The following HRH1 variants were observed in gnomAD, a reference collection of about 807,000 sequenced individuals.
HRH1 encodes histamine H1 receptor.
HRH1 carries 6 observed loss-of-function variants against 10.3 expected under a neutral mutation model. The observed-to-expected ratio is 0.58, with a 90% CI of 0.32 to 1.15. The LOEUF is 1.15. Among genes scored for constraint, HRH1 ranks in the 50% most tolerant of loss-of-function variants. HRH1 has a pLI of 0.05. For missense variants in HRH1, 514 were observed against 615.3 expected, an observed-to-expected ratio of 0.84 and a Z score of 1.74; for synonymous variants, 242 against 236.7, an observed-to-expected ratio of 1.02 and a Z score of -0.21.
intron 1 of HRH1, among the ~76,000 whole-genome samples, chr3:11,211,116 C>A (rs1938313279): frequency 6.6e-6 from 1 of 152,160 alleles, no homozygotes; most frequent in Non-Finnish European, 1.5e-5. Context: ...GTGGTGGATG[C>A]TCTGAAGGAA....
At chr3:11,178,108 T>G (rs192887294) in intron 1 of HRH1, among the ~76,000 whole-genome samples, 44 of 152,300 alleles carry the variant, frequency 2.9e-4, no homozygotes, top group Middle Eastern at 3.4e-3. Context: ...GAGTGCTGCT[T>G]GCCTGACCCT....
At chr3:11,154,487 C>A, upstream of HRH1, 1 of 358 alleles carries the variant, frequency 2.8e-3, no homozygotes, top group South Asian at 3.4e-3. The surrounding 1 kb of genome is among the most constrained non-coding windows in gnomAD (Gnocchi z 4.4). Flanking sequence ...CGCCGCCGCC[C>A]CCGCGACACC....
At chr3:11,154,087 G>A (rs1936716464), upstream of HRH1, among the ~76,000 whole-genome samples, 1 of 152,120 alleles carries the variant, frequency 6.6e-6, no homozygotes, top group South Asian at 2.1e-4. The surrounding 1 kb of genome is among the most constrained non-coding windows in gnomAD (Gnocchi z 4.4). Context: ...ATTTCCATCT[G>A]TGCCTCTTTG....
intron 1 of HRH1, among the ~76,000 whole-genome samples, chr3:11,169,011 A>G (rs949906833): frequency 6.6e-6 from 1 of 152,212 alleles, no homozygotes; most frequent in Non-Finnish European, 1.5e-5. Flanking sequence ...GGCCTGCAGC[A>G]AGGAGCTGAG....
At chr3:11,219,399 G>C (rs4684765) in intron 1 of HRH1, among the ~76,000 whole-genome samples, 93,321 of 151,920 alleles carry the variant, frequency 0.61, 28,834 homozygotes, top group East Asian at 0.68. Flanking sequence ...AAGTGTTTTA[G>C]TGTAGGTATT....
At chr3:11,198,062 G>C (rs347623) in intron 1 of HRH1, among the ~76,000 whole-genome samples, 132,841 of 152,124 alleles carry the variant, frequency 0.87, 58,393 homozygotes, top group East Asian at 1. Flanking sequence ...CTCATTACTC[G>C]CCAGTACCCT....
intron 1 of HRH1, among the ~76,000 whole-genome samples, chr3:11,170,999 A>G (rs147099337): frequency 3.2e-3 from 485 of 152,288 alleles, no homozygotes; most frequent in African/African-American, 0.011. Context: ...TTTCATAATT[A>G]GGGATCGCCT....
chr3:11,215,661 T>G (rs912515646), intron 1 of HRH1, among the ~76,000 whole-genome samples: 1 of 152,204 alleles, frequency 6.6e-6, no homozygotes, highest in Non-Finnish European at 1.5e-5. Context: ...CAGGATGGTC[T>G]TGATCTCCTG....
chr3:11,192,873 T>C (rs2125022237), intron 1 of HRH1, among the ~76,000 whole-genome samples: 1 of 152,298 alleles, frequency 6.6e-6, no homozygotes, highest in East Asian at 1.9e-4. Flanking sequence ...AGCTGGGCCT[T>C]GCCGTCTTGG....
chr3:11,167,193 C>T lies in HRH1; in HGVS notation c.-36+12639C>T, dbSNP rs555476969. Among the ~76,000 whole-genome samples, 551 of 135,292 alleles carry T rather than the reference C, an allele frequency of 4.1e-3. 2 individuals are homozygous for T. Among genetic ancestry groups the T allele is most frequent in the Non-Finnish European group, 5.2e-3 (326 of 62,600 alleles). 88.8% of individuals were successfully genotyped at this position (135,292 alleles called of 152,430 possible). A position where few individuals can be genotyped will look rare whatever the true frequency, so the allele number is the denominator to read the frequency against. ...TGCTGTCCCCTGGCCTCTCCAGGCC[C>T]GTGACATCTGCTGTCCCCTGGCTTC... On this transcript the variant is annotated intron_variant, in intron 1 of 1. Transcript: ENST00000431010.
intron 1 of HRH1, among the ~76,000 whole-genome samples, chr3:11,162,827 G>C (rs1936951929): frequency 6.6e-6 from 1 of 152,096 alleles, no homozygotes; most frequent in Non-Finnish European, 1.5e-5. Context: ...GCAGTGTCTT[G>C]GGTAATTTGT....
chr3:11,192,560 A>G (rs944451609), intron 1 of HRH1, among the ~76,000 whole-genome samples: 3 of 152,108 alleles, frequency 2.0e-5, no homozygotes, highest in Non-Finnish European at 4.4e-5. Flanking sequence ...GAACATATGC[A>G]TGCATCTCTA....
intron 1 of HRH1, among the ~76,000 whole-genome samples, chr3:11,237,740 A>T (rs957150139): frequency 6.4e-5 from 8 of 125,980 alleles, no homozygotes; most frequent in African/African-American, 3.2e-5. Context: ...CAGTGGCGTG[A>T]TCTCAGCTCA....
At chr3:11,200,470 G>T (rs73814572) in intron 1 of HRH1, among the ~76,000 whole-genome samples, 3,075 of 152,150 alleles carry the variant, frequency 0.02, 78 homozygotes, top group African/African-American at 0.069. Flanking sequence ...GACATCCTTT[G>T]TGCACAGCTT....
chr3:11,195,768 C>T (rs1937629268), intron 1 of HRH1, among the ~76,000 whole-genome samples: 1 of 152,224 alleles, frequency 6.6e-6, no homozygotes. Flanking sequence ...AGATGAGCTT[C>T]AGGAAGGGCT....
At chr3:11,204,110 G>A (rs958776268) in intron 1 of HRH1, among the ~76,000 whole-genome samples, 22 of 152,142 alleles carry the variant, frequency 1.4e-4, no homozygotes, top group African/African-American at 5.3e-4. Context: ...AGCACCATAA[G>A]GATGAGATTA....
intron 1 of HRH1, among the ~76,000 whole-genome samples, chr3:11,232,266 A>G (rs1484244329): frequency 1.3e-5 from 2 of 152,184 alleles, no homozygotes; most frequent in African/African-American, 4.8e-5. Flanking sequence ...GATTACAGGC[A>G]TGAGCCACGG....
intron 1 of HRH1, among the ~76,000 whole-genome samples, chr3:11,182,717 C>T (rs185862578): frequency 4.6e-5 from 7 of 152,278 alleles, no homozygotes; most frequent in East Asian, 3.9e-4. Flanking sequence ...TAAGCACTGC[C>T]CCAAAGCATC....
intron 1 of HRH1, among the ~76,000 whole-genome samples, chr3:11,193,083 C>G (rs1937579793): frequency 6.6e-6 from 1 of 152,186 alleles, no homozygotes; most frequent in South Asian, 2.1e-4. Flanking sequence ...AAAATTATTT[C>G]TAACTCATCA....
Sources: allele counts gnomAD v4.1 joint callset (sites outside exome capture counted in the v4.1 genomes callset), GRCh38; gene constraint gnomAD v4.1.1; non-coding constraint Gnocchi (gnomAD v3.1); transcripts MANE v1.5; gene names NCBI Gene and HGNC (gene_info 2026-07-23, HGNC 2026-07-21).